The following PFKFB3 variants were observed in gnomAD, a reference collection of about 807,000 sequenced individuals.
PFKFB3 encodes the protein 6-phosphofructo-2-kinase/fructose-2,6-bisphosphatase 3.
Under a neutral mutation model 68.0 loss-of-function variants are expected in PFKFB3, and 33 were observed. That is an observed-to-expected ratio of 0.49 (90% CI 0.37 to 0.65). PFKFB3 has a LOEUF of 0.65. Ranked by LOEUF, PFKFB3 falls within the 30% of genes least tolerant of loss-of-function variation. The probability of loss-of-function intolerance (pLI) is 0.00; values close to 1 mark genes in which losing one functional copy is unlikely to be tolerated. For synonymous variants in PFKFB3, 315 were observed against 288.2 expected (o/e 1.09, Z -0.94); for missense variants, 586 against 712.2 (o/e 0.82, Z 2.02).
the PFKFB3 span, among the ~76,000 whole-genome samples, chr10:6,285,643 T>C: frequency 7.9e-4 from 120 of 152,348 alleles, no homozygotes; most frequent in Middle Eastern, 0.024. Context: ...TACAATGTTA[T>C]GCAGAAGATC....
the PFKFB3 span, among the ~76,000 whole-genome samples, chr10:6,289,763 G>T: frequency 6.6e-6 from 1 of 152,078 alleles, no homozygotes; most frequent in South Asian, 2.1e-4. Context: ...AGCTTGATGG[G>T]GATGGCATTG....
chr10:6,285,637 A>C, the PFKFB3 span, among the ~76,000 whole-genome samples: 1 of 152,192 alleles, frequency 6.6e-6, no homozygotes, highest in Non-Finnish European at 1.5e-5. Context: ...TCTGGGTACA[A>C]TGTTATGCAG....
At chr10:6,301,789 C>T in the PFKFB3 span, among the ~76,000 whole-genome samples, 1 of 152,152 alleles carries the variant, frequency 6.6e-6, no homozygotes, top group Admixed American at 6.5e-5. Flanking sequence ...ATAAGAGAAG[C>T]TAATTTCAAA....
At chr10:6,243,344 TCTTTA>T (rs1846183541) in intron 14 of PFKFB3, among the ~76,000 whole-genome samples, 1 of 152,188 alleles carries the variant, frequency 6.6e-6, no homozygotes, top group Non-Finnish European at 1.5e-5. Context: ...ACCAAGACTA[TCTTTA>T]CTTAGTTATT....
the PFKFB3 span, among the ~76,000 whole-genome samples, chr10:6,326,270 C>T: frequency 2.6e-5 from 4 of 152,112 alleles, no homozygotes; most frequent in African/African-American, 9.7e-5. Context: ...ACATCACACA[C>T]TGGGGTCTGT....
chr10:6,299,066 CAAAT>C, the PFKFB3 span, among the ~76,000 whole-genome samples: 1 of 152,256 alleles, frequency 6.6e-6, no homozygotes, highest in Non-Finnish European at 1.5e-5. Context: ...TTTAGGTTGA[CAAAT>C]AAAACCTTTA....
chr10:6,210,468 C>T (rs1257118168), intron 1 of PFKFB3, among the ~76,000 whole-genome samples: 1 of 112,904 alleles, frequency 8.9e-6, no homozygotes, highest in Non-Finnish European at 2.1e-5. Context: ...TCACGCCATT[C>T]TCCTGCCTCA....
chr10:6,288,640 T>G, the PFKFB3 span, among the ~76,000 whole-genome samples: 4 of 151,748 alleles, frequency 2.6e-5, no homozygotes, highest in Admixed American at 1.3e-4. Flanking sequence ...TCTTTGCTAT[T>G]GTGAATAGTG....
rs144329353 is a variant in PFKFB3, at chr10:6,224,199, C to T, written c.1327C>T (p.Arg443Trp). ...YLNVESVCTH[R>W]ERSEDAKKGP... ...GAACGTGGAGTCCGTCTGCACACAC[C>T]GGGAGAGGTCAGAGGTGAGTGGAGG... The change falls in exon 13 of 15, where the codon CGG becomes TGG. Residue 443 changes from arginine to tryptophan, a missense_variant. Physicochemically the swap from Arg to Trp is moderately radical, Grantham distance 101. Coordinates refer to ENST00000379775, the MANE Select transcript of PFKFB3 (RefSeq NM_004566.4). The T allele has an allele frequency of 1.1e-5, 18 of 1,613,984 alleles. No homozygotes were observed. The highest frequency in any genetic ancestry group is 5.3e-5 in the African/African-American group (4 of 74,934).
At chr10:6,144,934 G>A in exon 1 of PFKFB3, 1 of 1,215,588 alleles carries the variant, frequency 8.2e-7, no homozygotes, top group South Asian at 3.1e-5. Flanking sequence ...TCGCGGGGCT[G>A]CCGCTTGGAC....
At chr10:6,237,176 A>G (rs563301498), downstream of PFKFB3, among the ~76,000 whole-genome samples, 10 of 152,228 alleles carry the variant, frequency 6.6e-5, no homozygotes, top group African/African-American at 9.6e-5. Context: ...ATCAAAGCCT[A>G]TGCCAAAAAG....
At chr10:6,146,644 A>C in intron 1 of PFKFB3, 4 of 792,312 alleles carry the variant, frequency 5.0e-6, no homozygotes, top group Non-Finnish European at 7.8e-6. Flanking sequence ...TGGTTGGGAA[A>C]CTCCTAAAAG....
intron 14 of PFKFB3, among the ~76,000 whole-genome samples, chr10:6,230,101 G>A (rs566573564): frequency 1.3e-5 from 2 of 152,158 alleles, no homozygotes; most frequent in African/African-American, 4.8e-5. Flanking sequence ...TCCCCCACCC[G>A]CTAAAGCTGA....
the PFKFB3 span, among the ~76,000 whole-genome samples, chr10:6,314,791 A>T: frequency 1.3e-5 from 2 of 152,232 alleles, no homozygotes; most frequent in Non-Finnish European, 2.9e-5. Flanking sequence ...CCTGACGGGA[A>T]GGGCTCAGCG....
the PFKFB3 span, among the ~76,000 whole-genome samples, chr10:6,304,932 T>C: frequency 2.8e-5 from 4 of 144,960 alleles, no homozygotes; most frequent in Non-Finnish European, 6.0e-5. Context: ...TCCTCCTGCC[T>C]CGGCCTTGCA....
At chr10:6,175,586 G>A (rs186999478) in intron 1 of PFKFB3, among the ~76,000 whole-genome samples, 2 of 152,234 alleles carry the variant, frequency 1.3e-5, no homozygotes, top group South Asian at 2.1e-4. Flanking sequence ...CTCTTATCCG[G>A]GAACAGTGTT....
rs1292525602 is a variant in PFKFB3 at position 6,206,329 on chromosome 10, GAA to G, written c.76+2996_76+2997del. ...AATTTTTCTTAGTACAGAACAAAAT[GAA>G]AAGTCTCCCATGTCTACTTCTTTCT... On this transcript the variant is annotated intron_variant, in intron 1 of 14. Transcript: ENST00000379775. Among the ~76,000 whole-genome samples, 34 of 140,702 alleles carry G rather than the reference GAA, an allele frequency of 2.4e-4. No homozygotes were observed. The East Asian group carries it at 2.7e-3, about 11-fold the overall frequency. 92.3% of individuals were successfully genotyped at this position (140,702 alleles called of 152,430 possible). A position where few individuals can be genotyped will look rare whatever the true frequency, so the allele number is the denominator to read the frequency against.
At chr10:6,225,756 G>GA (rs1845305289) in intron 13 of PFKFB3, among the ~76,000 whole-genome samples, 1 of 151,930 alleles carries the variant, frequency 6.6e-6, no homozygotes, top group Admixed American at 6.6e-5. Context: ...TCCTGCCTCG[G>GA]GTCAGCGGAA....
At chr10:6,192,495 C>T (rs1843056806) in intron 1 of PFKFB3, among the ~76,000 whole-genome samples, 1 of 151,682 alleles carries the variant, frequency 6.6e-6, no homozygotes, top group African/African-American at 2.4e-5. Context: ...TAGGGTTGCT[C>T]CGTGGCATGT....
Sources: allele counts gnomAD v4.1 joint callset (sites outside exome capture counted in the v4.1 genomes callset), GRCh38; gene constraint gnomAD v4.1.1; transcripts MANE v1.5; gene names NCBI Gene and HGNC (gene_info 2026-07-23, HGNC 2026-07-21).